TMEM135: variants seen among roughly 807,000 people sequenced by gnomAD.
TMEM135 encodes transmembrane protein 135.
In TMEM135, 30 loss-of-function variants were observed where a neutral mutation model predicts 60.3. The ratio of observed to expected loss-of-function variants is 0.50; its 90% CI spans 0.37 to 0.68. The LOEUF (loss-of-function observed/expected upper bound fraction) is 0.68, where lower values mean the gene tolerates loss of function less well. Among genes scored for constraint, TMEM135 ranks in the 30% least tolerant of loss-of-function variants. TMEM135 has a pLI of 0.00. For synonymous variants in TMEM135, 190 were observed against 186.7 expected (o/e 1.02, Z -0.14); for missense variants, 468 against 548.8 (o/e 0.85, Z 1.47).
At chr11:87,314,117 G>A (rs1314516643) in intron 11 of TMEM135, among the ~76,000 whole-genome samples, 1 of 151,698 alleles carries the variant, frequency 6.6e-6, no homozygotes, top group African/African-American at 2.4e-5. Context: ...GAGAATATAT[G>A]AATAAATATT....
At chr11:87,069,127 A>AG (rs1476792122) in intron 2 of TMEM135, among the ~76,000 whole-genome samples, 3 of 149,340 alleles carry the variant, frequency 2.0e-5, no homozygotes, top group East Asian at 4.1e-4. Flanking sequence ...TCTACTAAAA[A>AG]TACAAAAAAT....
chr11:87,152,482 T>C (rs4944669), intron 4 of TMEM135, among the ~76,000 whole-genome samples: 6,162 of 152,294 alleles, frequency 0.04, 386 homozygotes, highest in African/African-American at 0.14. Flanking sequence ...GAGACGGATT[T>C]TCACTCTTGA....
At chr11:87,242,608 A>G (rs1433851299) in intron 6 of TMEM135, among the ~76,000 whole-genome samples, 70 of 120,852 alleles carry the variant, frequency 5.8e-4, no homozygotes, top group African/African-American at 2.1e-3. Context: ...GCCAGTGATG[A>G]TGAGCATTTT....
At chr11:87,313,379 T>G in intron 10 of TMEM135, 46 bp from the exon 11 acceptor site, 2 of 1,494,092 alleles carry the variant, frequency 1.3e-6, no homozygotes, top group Non-Finnish European at 1.9e-6. Flanking sequence ...TGCTTTTATT[T>G]CTAGAAATAA....
At chr11:87,084,192 A>C (rs1857049136) in intron 3 of TMEM135, among the ~76,000 whole-genome samples, 1 of 152,230 alleles carries the variant, frequency 6.6e-6, no homozygotes, top group Non-Finnish European at 1.5e-5. Flanking sequence ...AATGCTTAGA[A>C]TTTCAGCAGG....
chr11:87,215,030 C>A (rs1940465677), intron 5 of TMEM135, among the ~76,000 whole-genome samples: 2 of 151,984 alleles, frequency 1.3e-5, no homozygotes, highest in Admixed American at 6.6e-5. Context: ...CCAAGTTTTC[C>A]ATGAGTTTGG....
At chr11:87,235,787 G>C (rs567297911) in intron 5 of TMEM135, among the ~76,000 whole-genome samples, 1 of 151,980 alleles carries the variant, frequency 6.6e-6, no homozygotes, top group South Asian at 2.1e-4. Flanking sequence ...CGTTAGTCAG[G>C]ACTGGAGTTC....
In TMEM135 at chr11:87,269,288, T is replaced by G. The variant is rs1167982547; in HGVS notation, c.510-26494T>G. ...AGGAAGTTTGCTTTAGGGTTTTTTT[T>G]TTTTTTTTTATGAGGAAGCTTTTTT... On this transcript the variant is annotated intron_variant, in intron 6 of 14. Transcript: ENST00000305494. Among the ~76,000 whole-genome samples the G allele has an allele frequency of 8.4e-5, 12 of 143,484 alleles. No individual in the cohort carries two copies. In the East Asian group the frequency reaches 2.3e-3, roughly 28 times the overall value. The allele number at this position is 143,484 out of a possible 152,430, so 94.1% of individuals were successfully genotyped here. A position where few individuals can be genotyped will look rare whatever the true frequency, so the allele number is the denominator to read the frequency against.
At chr11:87,316,781 T>A (rs1477288317) in intron 12 of TMEM135, among the ~76,000 whole-genome samples, 4 of 151,970 alleles carry the variant, frequency 2.6e-5, no homozygotes, top group African/African-American at 4.8e-5. Flanking sequence ...TGGCCAGAGT[T>A]TTTTAAGGCA....
chr11:87,170,543 C>T (rs1939205972), intron 5 of TMEM135, among the ~76,000 whole-genome samples: 2 of 152,072 alleles, frequency 1.3e-5, no homozygotes, highest in Admixed American at 1.3e-4. Context: ...ACAGTCAGGC[C>T]CCTATGCTGC....
At chr11:87,214,695 T>C (rs898378066) in intron 5 of TMEM135, among the ~76,000 whole-genome samples, 25 of 152,128 alleles carry the variant, frequency 1.6e-4, no homozygotes, top group African/African-American at 5.8e-4. Flanking sequence ...TCCCCCTATA[T>C]TACATCACTA....
intron 6 of TMEM135, among the ~76,000 whole-genome samples, chr11:87,271,259 C>T (rs1159915438): frequency 6.6e-6 from 1 of 151,982 alleles, no homozygotes; most frequent in Admixed American, 6.6e-5. Flanking sequence ...ATAACCAGCC[C>T]CCAAGAGCTA....
At chr11:87,240,134 C>T (rs1941097845) in intron 6 of TMEM135, among the ~76,000 whole-genome samples, 1 of 152,030 alleles carries the variant, frequency 6.6e-6, no homozygotes, top group African/African-American at 2.4e-5. Flanking sequence ...GCCTGCCAGC[C>T]ATGTAGCTAG....
intron 6 of TMEM135, among the ~76,000 whole-genome samples, chr11:87,248,476 A>C (rs1941340970): frequency 6.6e-6 from 1 of 152,084 alleles, no homozygotes; most frequent in South Asian, 2.1e-4. Context: ...CTTCTTATAT[A>C]CCTGCTTGCC....
rs1942831826 is a variant in TMEM135, at chr11:87,322,063, C to T, written c.*730C>T. 4.4e-6 allele frequency: 2 copies of T among 454,044 alleles called. No individual in the cohort carries two copies. The highest frequency in any genetic ancestry group is 8.8e-6 in the Non-Finnish European group (2 of 226,690). The allele number at this position is 454,044 out of a possible 1,614,324, so 28.1% of individuals were successfully genotyped here. Reference sequence around the variant, plus strand: ...AGGGGCAAATGGAAATGGACACATCCGATAAAGTTGAAATGTATGTTTTAA... The same window carrying T: ...AGGGGCAAATGGAAATGGACACATCTGATAAAGTTGAAATGTATGTTTTAA... On this transcript the variant is annotated 3_prime_UTR_variant, in exon 15 of 15. Coordinates refer to ENST00000305494, the MANE Select transcript of TMEM135 (RefSeq NM_022918.4).
intron 5 of TMEM135, chr11:87,178,539 C>G (rs1419489490): frequency 2.2e-6 from 1 of 455,984 alleles, no homozygotes; most frequent in South Asian, 1.5e-5. Context: ...GATTCTCCTG[C>G]CTGAGTCTCC....
At chr11:87,185,909 CCTT>C (rs1480998647) in intron 5 of TMEM135, among the ~76,000 whole-genome samples, 4 of 111,416 alleles carry the variant, frequency 3.6e-5, no homozygotes, top group Admixed American at 8.2e-5. Context: ...TTGTAGTTAT[CCTT>C]CTTTTTTTTT....
chr11:87,302,410 G>A lies in TMEM135; in HGVS notation c.666G>A (p.Met222Ile). The A allele has an allele frequency of 6.2e-7, 1 of 1,613,830 alleles. No individual in the cohort carries two copies. Among genetic ancestry groups the A allele is most frequent in the Non-Finnish European group, 8.5e-7 (1 of 1,179,880 alleles). ...QHEEKPGRMN[M>I]IGLVRKFVDS... ...AGGAAAAACCCGGAAGAATGAATAT[G>A]ATTGGTCTAGTCAGGAAATTTGTGG... Residue 222 changes from methionine to isoleucine, a missense_variant, in exon 8 of 15, where the codon ATG becomes ATA. Transcript: ENST00000305494.
chr11:87,141,506 G>A (rs1938261434), intron 4 of TMEM135, among the ~76,000 whole-genome samples: 1 of 152,112 alleles, frequency 6.6e-6, no homozygotes, highest in African/African-American at 2.4e-5. Flanking sequence ...TACCTGCACA[G>A]TCATGTCCTG....
Sources: gnomAD v4.1 joint callset for allele counts (sites outside exome capture counted in the v4.1 genomes callset) on GRCh38, gnomAD v4.1.1 for gene constraint, MANE v1.5 for transcripts, NCBI Gene and HGNC (gene_info 2026-07-23, HGNC 2026-07-21) for gene names.